Variants in PIK3C2A observed in about 807,000 individuals in gnomAD.
PIK3C2A encodes the protein phosphatidylinositol 4-phosphate 3-kinase C2 domain-containing subunit alpha.
Under a neutral mutation model 204.5 loss-of-function variants are expected in PIK3C2A, and 97 were observed. The observed-to-expected ratio is 0.47, with a 90% CI of 0.40 to 0.56. The LOEUF is 0.56. PIK3C2A is among the 20% of genes least tolerant of loss of function. The probability of loss-of-function intolerance (pLI) is 0.00; values close to 1 mark genes in which losing one functional copy is unlikely to be tolerated. For synonymous variants in PIK3C2A, 653 were observed against 664.4 expected (o/e 0.98, Z 0.26); for missense variants, 1,735 against 1,969.2 (o/e 0.88, Z 2.25).
intron 13 of PIK3C2A, 91 bp downstream of exon 13, chr11:17,129,209 A>G (rs895291514): frequency 3.1e-6 from 3 of 964,380 alleles, no homozygotes; most frequent in Non-Finnish European, 4.8e-6. Context: ...TCACTCATCT[A>G]TGTTCCTCCC....
intron 1 of PIK3C2A, among the ~76,000 whole-genome samples, chr11:17,196,013 T>C (rs1852140914): frequency 6.6e-6 from 1 of 151,712 alleles, no homozygotes; most frequent in Non-Finnish European, 1.5e-5. Context: ...CACTCCAGCC[T>C]GGGCAACAGA....
chr11:17,193,764 T>C (rs1198444507), intron 1 of PIK3C2A, among the ~76,000 whole-genome samples: 1 of 150,034 alleles, frequency 6.7e-6, no homozygotes, highest in African/African-American at 2.5e-5. Context: ...GAGAATTGCT[T>C]GAAATCAGAA....
chr11:17,102,475 C>A (rs1287674968), intron 24 of PIK3C2A, among the ~76,000 whole-genome samples, 187 bp downstream of exon 24: 1 of 152,080 alleles, frequency 6.6e-6, no homozygotes, highest in Admixed American at 6.6e-5. Flanking sequence ...ACAACAACAA[C>A]AAAACAAAGT....
chr11:17,111,915 A>C (rs542678261), intron 21 of PIK3C2A, among the ~76,000 whole-genome samples: 1 of 151,686 alleles, frequency 6.6e-6, no homozygotes, highest in East Asian at 1.9e-4. Flanking sequence ...AAAAAAAAAA[A>C]AAACTTAACA....
intron 19 of PIK3C2A, among the ~76,000 whole-genome samples, chr11:17,116,650 C>T (rs1239292836): frequency 6.6e-6 from 1 of 151,544 alleles, no homozygotes; most frequent in Non-Finnish European, 1.5e-5. Flanking sequence ...AGTATAGTGG[C>T]TCGATCTCGG....
intron 15 of PIK3C2A, among the ~76,000 whole-genome samples, chr11:17,121,200 C>G (rs1849356827): frequency 6.6e-6 from 1 of 152,154 alleles, no homozygotes; most frequent in Admixed American, 6.5e-5. Flanking sequence ...TCACTGCAGC[C>G]TTGACCTCCT....
At chr11:17,093,403 A>G (rs550699215) in intron 28 of PIK3C2A, among the ~76,000 whole-genome samples, 161 of 152,254 alleles carry the variant, frequency 1.1e-3, no homozygotes, top group Non-Finnish European at 1.7e-3. Flanking sequence ...AGTAGCTGGG[A>G]CTACAGGCGC....
At chr11:17,163,564 T>C (rs1022881592) in intron 2 of PIK3C2A, among the ~76,000 whole-genome samples, 1 of 151,880 alleles carries the variant, frequency 6.6e-6, no homozygotes, top group African/African-American at 2.4e-5. Flanking sequence ...AGTCCCAGCG[T>C]GCATCACCAC....
At chr11:17,194,563 C>CGAA (rs1852072818) in intron 1 of PIK3C2A, 1 of 152,322 alleles carries the variant, frequency 6.6e-6, no homozygotes, top group Non-Finnish European at 1.5e-5. Context: ...AAGCACTTCA[C>CGAA]CTCTCTGAGC....
At chr11:17,093,647 T>TG (rs61173745) in intron 28 of PIK3C2A, among the ~76,000 whole-genome samples, 15,193 of 133,008 alleles carry the variant, frequency 0.11, 1,008 homozygotes, top group African/African-American at 0.19. Flanking sequence ...ACTTTTTTTT[T>TG]GGGGGGGGGG....
At chr11:17,125,544 C>T (rs928916879) in intron 13 of PIK3C2A, among the ~76,000 whole-genome samples, 13 of 151,848 alleles carry the variant, frequency 8.6e-5, no homozygotes, top group Admixed American at 2.6e-4. Context: ...GATGGAGTCT[C>T]GTTCTGTCGC....
intron 27 of PIK3C2A, 46 bp from the exon 28 acceptor site, chr11:17,094,431 C>T (rs1405358098): frequency 1.1e-5 from 17 of 1,546,618 alleles, no homozygotes; most frequent in Middle Eastern, 2.0e-4. Flanking sequence ...ATATTTAAAA[C>T]CTTCTTTCCA....
rs12270787 is a variant in PIK3C2A, at chr11:17,183,296, G to A, written c.-65-13490C>T. Among the ~76,000 whole-genome samples the A allele has an allele frequency of 5.9e-3, 903 of 152,220 alleles. 18 individuals are homozygous for A. The highest frequency in any genetic ancestry group is 0.021 in the African/African-American group (860 of 41,520). On this transcript the variant is annotated intron_variant, in intron 1 of 32. Transcript: ENST00000691414. ...AATTCCAGATATCAACAATTCATAA[G>A]TCTTAAACAACTTTTATGAAAGTAT...
At chr11:17,190,650 G>A (rs1851909425) in intron 1 of PIK3C2A, among the ~76,000 whole-genome samples, 2 of 151,690 alleles carry the variant, frequency 1.3e-5, no homozygotes, top group African/African-American at 4.8e-5. Context: ...TGAAGTGATG[G>A]GACATTTCAG....
intron 16 of PIK3C2A, 125 bp from the exon 17 acceptor site, chr11:17,119,438 C>T (rs570140442): frequency 3.0e-6 from 2 of 667,666 alleles, no homozygotes; most frequent in African/African-American, 3.7e-5. Flanking sequence ...TATTCAAAAG[C>T]AATGTATTTC....
At chr11:17,188,872 G>T (rs1851845249) in intron 1 of PIK3C2A, among the ~76,000 whole-genome samples, 1 of 146,918 alleles carries the variant, frequency 6.8e-6, no homozygotes, top group Non-Finnish European at 1.5e-5. Context: ...GGAGGCAAGA[G>T]CTGAGAAAAA....
rs1386409319 is a variant in PIK3C2A, at chr11:17,086,721, AG to A, written c.*3016del. ...TTAAAGTATTTGGTTCTTATAGGTA[AG>A]ATTAATTACCATATTCATTCATATA... On this transcript the variant is annotated 3_prime_UTR_variant, in exon 33 of 33. Coordinates refer to ENST00000691414, the MANE Select transcript of PIK3C2A (RefSeq NM_002645.4). 2 of 152,182 alleles carry A rather than the reference AG, an allele frequency of 1.3e-5. No homozygotes were observed. The highest frequency in any genetic ancestry group is 4.8e-5 in the African/African-American group (2 of 41,446). The allele number at this position is 152,182 out of a possible 1,614,324, so 9.4% of individuals were successfully genotyped here.
At chr11:17,199,622 AG>A (rs1368502629) in intron 1 of PIK3C2A, among the ~76,000 whole-genome samples, 1 of 152,256 alleles carries the variant, frequency 6.6e-6, no homozygotes, top group Admixed American at 6.5e-5. Context: ...ATCACACGAA[AG>A]ATCTAGAATA....
rs77374992 is a variant in PIK3C2A at position 17,096,572 on chromosome 11, T to C, written c.4326+485A>G. On this transcript the variant is annotated intron_variant, in intron 27 of 32. Coordinates refer to ENST00000691414, the MANE Select transcript of PIK3C2A (RefSeq NM_002645.4). The stretch of plus-strand genomic sequence containing the variant: ...GAATAGATGAAAAACAGTAGTAAAA[T>C]AGCTTTTTAAAGACTATCTATTTGC... 3.1e-3 allele frequency among the ~76,000 whole-genome samples: 474 copies of C among 151,798 alleles called. 3 individuals carry two copies. Among genetic ancestry groups the C allele is most frequent in the African/African-American group, 0.011 (447 of 41,114 alleles).
Sources: gnomAD v4.1 joint callset for allele counts (sites outside exome capture counted in the v4.1 genomes callset) on GRCh38, gnomAD v4.1.1 for gene constraint, MANE v1.5 for transcripts, NCBI Gene and HGNC (gene_info 2026-07-23, HGNC 2026-07-21) for gene names.